BAIAP2L1: variants seen among roughly 807,000 people sequenced by gnomAD.
BAIAP2L1 encodes the protein BAR/IMD domain-containing adapter protein 2-like 1.
BAIAP2L1 carries 35 observed loss-of-function variants against 66.3 expected under a neutral mutation model. The observed-to-expected ratio is 0.53, with a 90% CI of 0.40 to 0.70. BAIAP2L1 has a LOEUF of 0.70. Among genes scored for constraint, BAIAP2L1 ranks in the 30% least tolerant of loss-of-function variants. The pLI is 0.00. For synonymous variants in BAIAP2L1, 269 were observed against 248.7 expected (o/e 1.08, Z -0.77); for missense variants, 622 against 656.9 (o/e 0.95, Z 0.58).
chr7:98,396,270 C>T (rs1803206858), intron 1 of BAIAP2L1, among the ~76,000 whole-genome samples: 1 of 151,984 alleles, frequency 6.6e-6, no homozygotes, highest in Non-Finnish European at 1.5e-5. Context: ...GGTCTCACTA[C>T]ATTACCCAGG....
Position 98,393,626 on chromosome 7 carries a change from T to A in BAIAP2L1, c.51+7176A>T, listed in dbSNP as rs561598195. 5.3e-5 allele frequency among the ~76,000 whole-genome samples: 8 copies of A among 151,688 alleles called. 1 individual carries two copies. In the South Asian group the frequency reaches 1.7e-3, roughly 32 times the overall value. ...CATTCTCCCGCCTCAGCCTCCCGAG[T>A]AGCTGGGACTACAGCCTCCCGCCAC... On this transcript the variant is annotated intron_variant, in intron 1 of 13. Transcript: ENST00000005260.
At chr7:98,359,768 T>A (rs74744126) in intron 2 of BAIAP2L1, among the ~76,000 whole-genome samples, 30 of 144,444 alleles carry the variant, frequency 2.1e-4, no homozygotes, top group South Asian at 1.3e-3. Flanking sequence ...TTTTTTTTTT[T>A]AATTTTTTTG....
intron 12 of BAIAP2L1, among the ~76,000 whole-genome samples, chr7:98,295,087 G>A (rs1363882837): frequency 6.6e-6 from 1 of 152,206 alleles, no homozygotes; most frequent in East Asian, 1.9e-4. Context: ...GCACCCCCAG[G>A]GGGTCTCAGG....
At chr7:98,399,523 A>T (rs1208523252) in intron 1 of BAIAP2L1, among the ~76,000 whole-genome samples, 1 of 152,230 alleles carries the variant, frequency 6.6e-6, no homozygotes, top group East Asian at 1.9e-4. Context: ...AGGGACAGAA[A>T]AAAGATAAAA....
intron 3 of BAIAP2L1, among the ~76,000 whole-genome samples, chr7:98,342,201 GCCA>G (rs949011371): frequency 7.9e-5 from 12 of 151,812 alleles, no homozygotes; most frequent in Non-Finnish European, 1.6e-4. Context: ...ACAGGTGTAC[GCCA>G]CCATGCCCAG....
Position 98,317,226 on chromosome 7 carries a change from T to C in BAIAP2L1, c.479A>G (p.Glu160Gly). The C allele has an allele frequency of 6.2e-7, 1 of 1,614,240 alleles. No homozygotes were observed. The highest frequency in any genetic ancestry group is 8.5e-7 in the Non-Finnish European group (1 of 1,180,040). Reference protein sequence around the residue: ...SRNALKYEHKEIEYVETVTSR... With the variant: ...SRNALKYEHKGIEYVETVTSR... Reference sequence around the variant, plus strand: ...TATTGTTGAAAAGCTCACCTCAATTTCTTTGTGTTCATATTTGAGTGCGTT... The same window carrying C: ...TATTGTTGAAAAGCTCACCTCAATTCCTTTGTGTTCATATTTGAGTGCGTT... Residue 160 changes from glutamate (E) to glycine (G), a missense_variant, in exon 6 of 14, where the codon GAA becomes GGA. Coordinates refer to ENST00000005260, the MANE Select transcript of BAIAP2L1 (RefSeq NM_018842.5).
At chr7:98,396,896 A>T (rs1294359892) in intron 1 of BAIAP2L1, among the ~76,000 whole-genome samples, 2 of 152,210 alleles carry the variant, frequency 1.3e-5, no homozygotes, top group Non-Finnish European at 2.9e-5. Flanking sequence ...GGAGGGCGCC[A>T]GGAGCCTAGC....
chr7:98,386,947 C>T (rs1164478238), intron 1 of BAIAP2L1, among the ~76,000 whole-genome samples: 2 of 152,086 alleles, frequency 1.3e-5, no homozygotes, highest in Non-Finnish European at 2.9e-5. Context: ...GATCTGCCCG[C>T]CTCGGCCTCC....
chr7:98,316,288 C>T (rs879269121), intron 6 of BAIAP2L1, among the ~76,000 whole-genome samples: 21 of 152,002 alleles, frequency 1.4e-4, no homozygotes, highest in Non-Finnish European at 2.4e-4. Flanking sequence ...TTGTAAATTG[C>T]CCAGTCTCGG....
intron 8 of BAIAP2L1, among the ~76,000 whole-genome samples, chr7:98,311,061 C>CAT (rs147360057): frequency 0.025 from 3,748 of 152,226 alleles, 146 homozygotes; most frequent in African/African-American, 0.086. Flanking sequence ...CCAATCTCCA[C>CAT]AGAGCCCAGG....
intron 3 of BAIAP2L1, among the ~76,000 whole-genome samples, chr7:98,331,815 G>C (rs1294777818): frequency 6.6e-6 from 1 of 152,048 alleles, no homozygotes; most frequent in Non-Finnish European, 1.5e-5. Context: ...TGCTTCTAGA[G>C]GAACAATGAT....
intron 3 of BAIAP2L1, among the ~76,000 whole-genome samples, chr7:98,348,625 A>G (rs1801930603): frequency 6.6e-6 from 1 of 152,142 alleles, no homozygotes; most frequent in Non-Finnish European, 1.5e-5. Flanking sequence ...TTCTTTTATT[A>G]CTTACTTTAT....
intron 1 of BAIAP2L1, among the ~76,000 whole-genome samples, chr7:98,398,789 C>T (rs766637487): frequency 3.9e-5 from 6 of 152,022 alleles, no homozygotes; most frequent in African/African-American, 1.4e-4. Flanking sequence ...CAGGAAGAAG[C>T]GGGAGAAAAA....
At chr7:98,395,041 G>T (rs545456118) in intron 1 of BAIAP2L1, among the ~76,000 whole-genome samples, 63 of 150,904 alleles carry the variant, frequency 4.2e-4, no homozygotes, top group Non-Finnish European at 6.5e-4. Flanking sequence ...AACCCGGGAG[G>T]CAAGGGTTGT....
In BAIAP2L1 at chr7:98,320,238, T is replaced by C; in HGVS notation, c.275A>G (p.Asn92Ser). The C allele has an allele frequency of 6.2e-7, 1 of 1,608,334 alleles. No individual in the cohort carries two copies. Among genetic ancestry groups the C allele is most frequent in the Non-Finnish European group, 8.5e-7 (1 of 1,175,860 alleles). Reference protein sequence around the residue: ...HKKLNESLDENFKKFHKEIIH... With the variant: ...HKKLNESLDESFKKFHKEIIH... ...TAAATAGAAACACAGATCACGTACA[T>C]TTTCATCAAGACTCTCGTTGAGTTT... Residue 92 changes from asparagine (N) to serine (S), a missense_variant and splice_region_variant, in exon 4 of 14, where the codon AAT becomes AGT. Asn to Ser is a conservative substitution (Grantham distance 46, BLOSUM62 1). Transcript: ENST00000005260.
chr7:98,328,450 C>A (rs1801421684), intron 3 of BAIAP2L1, among the ~76,000 whole-genome samples: 1 of 152,144 alleles, frequency 6.6e-6, no homozygotes, highest in Non-Finnish European at 1.5e-5. Context: ...GTGGTATTCT[C>A]ATCTGTGTAG....
intron 1 of BAIAP2L1, among the ~76,000 whole-genome samples, chr7:98,387,542 G>A (rs916606580): frequency 3.3e-5 from 5 of 152,090 alleles, no homozygotes; most frequent in Non-Finnish European, 7.3e-5. Context: ...TTCTTACTAT[G>A]CGCCACCACG....
intron 3 of BAIAP2L1, among the ~76,000 whole-genome samples, chr7:98,343,286 CAG>C (rs1554335901): frequency 1.5e-4 from 22 of 144,592 alleles, no homozygotes; most frequent in African/African-American, 5.1e-4. Flanking sequence ...CACACACACA[CAG>C]ACACACACAC....
At chr7:98,366,717 C>T (rs1238458683) in intron 1 of BAIAP2L1, among the ~76,000 whole-genome samples, 5 of 152,204 alleles carry the variant, frequency 3.3e-5, no homozygotes, top group African/African-American at 7.2e-5. Flanking sequence ...TATCACTAGA[C>T]GCAGTCAGGT....
Sources: allele counts gnomAD v4.1 joint callset (sites outside exome capture counted in the v4.1 genomes callset), GRCh38; gene constraint gnomAD v4.1.1; transcripts MANE v1.5; gene names NCBI Gene and HGNC (gene_info 2026-07-23, HGNC 2026-07-21).